LIN7A: variants seen among roughly 807,000 people sequenced by gnomAD.
LIN7A encodes lin-7 cell polarity scaffold A.
A neutral mutation model predicts 29.8 loss-of-function variants in LIN7A; 25 were observed. The ratio of observed to expected loss-of-function variants is 0.84; its 90% CI spans 0.61 to 1.17. The LOEUF is 1.17. Ranked by LOEUF, LIN7A falls within the 50% of genes most tolerant of loss-of-function variation. The probability of loss-of-function intolerance (pLI) is 0.00; values close to 1 mark genes in which losing one functional copy is unlikely to be tolerated. For synonymous variants in LIN7A, 118 were observed against 107.5 expected (o/e 1.10, Z -0.60); for missense variants, 239 against 287.0 (o/e 0.83, Z 1.21).
At chr12:80,835,659 C>G (rs1872565177) in intron 4 of LIN7A, among the ~76,000 whole-genome samples, 1 of 152,144 alleles carries the variant, frequency 6.6e-6, no homozygotes, top group African/African-American at 2.4e-5. Flanking sequence ...GCCAGACACT[C>G]TTACATACTT....
chr12:80,937,560 T>C lies in LIN7A; in HGVS notation c.82+81A>G, dbSNP rs540055882. 949 of 1,044,444 alleles carry C rather than the reference T, an allele frequency of 9.1e-4. 1 individual carries two copies. Among genetic ancestry groups the C allele is most frequent in the Admixed American group, 1.1e-3 (33 of 29,074 alleles). 64.7% of individuals were successfully genotyped at this position (1,044,444 alleles called of 1,614,324 possible). On this transcript the variant is annotated intron_variant, in intron 1 of 5. Transcript: ENST00000552864. The stretch of plus-strand genomic sequence containing the variant: ...TCTCCTCCTGCCTGAGCGCGTCCCA[T>C]GTCCCGTTGGGAATTGGCAGGCGGG...
At chr12:80,852,606 T>C (rs1032137488) in intron 2 of LIN7A, among the ~76,000 whole-genome samples, 2 of 152,176 alleles carry the variant, frequency 1.3e-5, no homozygotes, top group Non-Finnish European at 2.9e-5. Context: ...TATATATATA[T>C]ACACAAGATG....
intron 4 of LIN7A, among the ~76,000 whole-genome samples, chr12:80,818,073 C>T (rs1024882857): frequency 1.3e-5 from 2 of 152,160 alleles, no homozygotes; most frequent in African/African-American, 4.8e-5. Flanking sequence ...AAGCAAAGAC[C>T]TATTCCTTTC....
intron 5 of LIN7A, among the ~76,000 whole-genome samples, chr12:80,809,893 C>T (rs1871206712): frequency 6.6e-6 from 1 of 152,070 alleles, no homozygotes; most frequent in African/African-American, 2.4e-5. Flanking sequence ...TTTTCATTGA[C>T]AAGTAATAAT....
chr12:80,835,058 C>CT (rs34577867), intron 4 of LIN7A, among the ~76,000 whole-genome samples: 5 of 152,208 alleles, frequency 3.3e-5, no homozygotes, highest in South Asian at 4.1e-4. Flanking sequence ...ATAAATGATG[C>CT]TTTTTTGGAC....
intron 1 of LIN7A, among the ~76,000 whole-genome samples, chr12:80,912,912 T>C (rs1250577304): frequency 6.6e-6 from 1 of 152,158 alleles, no homozygotes; most frequent in African/African-American, 2.4e-5. Context: ...ATTTCATTCA[T>C]ATTAAAAATA....
At chr12:80,905,106 C>T (rs1285397660) in intron 1 of LIN7A, among the ~76,000 whole-genome samples, 1 of 152,024 alleles carries the variant, frequency 6.6e-6, no homozygotes, top group African/African-American at 2.4e-5. Flanking sequence ...AGTGACATCT[C>T]ATATAGAGAT....
intron 4 of LIN7A, among the ~76,000 whole-genome samples, chr12:80,836,657 A>AAAT (rs1872600324): frequency 6.6e-6 from 1 of 152,090 alleles, no homozygotes; most frequent in African/African-American, 2.4e-5. Context: ...CCTGTCTCAA[A>AAAT]AAATAAATAA....
intron 4 of LIN7A, among the ~76,000 whole-genome samples, chr12:80,828,771 A>G (rs1340552318): frequency 6.7e-6 from 1 of 149,374 alleles, no homozygotes; most frequent in African/African-American, 2.5e-5. Flanking sequence ...GTTTGTATTT[A>G]AAAATAAATA....
intron 2 of LIN7A, among the ~76,000 whole-genome samples, chr12:80,863,348 TA>T (rs1323532145): frequency 6.6e-6 from 1 of 152,216 alleles, no homozygotes; most frequent in Non-Finnish European, 1.5e-5. Flanking sequence ...ATACTTTGTT[TA>T]TAGAGGTAGA....
chr12:80,924,581 T>C (rs923665718), intron 1 of LIN7A, among the ~76,000 whole-genome samples: 4 of 152,178 alleles, frequency 2.6e-5, no homozygotes, highest in African/African-American at 9.7e-5. Flanking sequence ...AGGTCAAGGT[T>C]ATATGGCTAG....
At chr12:80,916,214 T>G (rs77327800) in intron 1 of LIN7A, among the ~76,000 whole-genome samples, 1,557 of 152,326 alleles carry the variant, frequency 0.01, 22 homozygotes, top group African/African-American at 0.035. Flanking sequence ...TCAATATAGC[T>G]GAGTGAGTTT....
chr12:80,898,044 G>T (rs1317021382), intron 1 of LIN7A, among the ~76,000 whole-genome samples: 2 of 152,056 alleles, frequency 1.3e-5, no homozygotes, highest in Admixed American at 6.6e-5. Flanking sequence ...TGAAGTCTTT[G>T]CTGAACCTAT....
At position 80,891,142 on chromosome 12, in the gene LIN7A, A is replaced by G. The variant is rs375177230; in HGVS notation, c.83-1773T>C. On this transcript the variant is annotated intron_variant, in intron 1 of 5. Transcript: ENST00000552864. The stretch of plus-strand genomic sequence containing the variant: ...GGAATTGCCTTTTGTAAAGAGCCCT[A>G]TCACTCTCATGGAAGTCTTCATCAT... Among the ~76,000 whole-genome samples the G allele has an allele frequency of 7.9e-5, 12 of 152,274 alleles. No individual in the cohort carries two copies. In the South Asian group the frequency reaches 8.3e-4, roughly 11 times the overall value.
chr12:80,819,043 A>G (rs2121516591), intron 4 of LIN7A, among the ~76,000 whole-genome samples: 1 of 152,342 alleles, frequency 6.6e-6, no homozygotes, highest in African/African-American at 2.4e-5. Flanking sequence ...AGTTTCAGTT[A>G]CCCAGGGTCA....
chr12:80,841,406 A>C (rs985623933), intron 4 of LIN7A, among the ~76,000 whole-genome samples: 1 of 148,210 alleles, frequency 6.7e-6, no homozygotes, highest in Non-Finnish European at 1.5e-5. Context: ...GAAGGAAGGA[A>C]GGAGGGAAAG....
intron 2 of LIN7A, among the ~76,000 whole-genome samples, chr12:80,867,306 C>T (rs1874192928): frequency 6.6e-6 from 1 of 152,154 alleles, no homozygotes; most frequent in African/African-American, 2.4e-5. Flanking sequence ...GACTTCCACT[C>T]ATGCCCCATT....
chr12:80,820,622 AGATT>A (rs2121518866), intron 4 of LIN7A, among the ~76,000 whole-genome samples: 1 of 95,064 alleles, frequency 1.1e-5, no homozygotes, highest in East Asian at 2.3e-4. Flanking sequence ...GTTGGAATGA[AGATT>A]AAATACACAC....
chr12:80,936,089 G>A (rs986274414), intron 1 of LIN7A, among the ~76,000 whole-genome samples: 2 of 152,024 alleles, frequency 1.3e-5, no homozygotes, highest in Non-Finnish European at 2.9e-5. Flanking sequence ...TAAATACTTG[G>A]GAAGCTCATA....
Sources: gnomAD v4.1 joint callset for allele counts (sites outside exome capture counted in the v4.1 genomes callset) on GRCh38, gnomAD v4.1.1 for gene constraint, MANE v1.5 for transcripts, NCBI Gene and HGNC (gene_info 2026-07-23, HGNC 2026-07-21) for gene names.